The following NEMF variants were observed in gnomAD, a reference collection of about 807,000 sequenced individuals.
The protein encoded by NEMF is nuclear export mediator factor, also known as ribosome quality control complex subunit NEMF.
A neutral mutation model predicts 162.2 loss-of-function variants in NEMF; 89 were observed. That is an observed-to-expected ratio of 0.55 (90% CI 0.46 to 0.65). The LOEUF (loss-of-function observed/expected upper bound fraction) is 0.65. NEMF is among the 30% of genes least tolerant of loss of function. The pLI is 0.00. For missense variants in NEMF, 1,133 were observed against 1,261.9 expected (o/e 0.90, Z 1.55); for synonymous variants, 421 against 404.5 (o/e 1.04, Z -0.49).
intron 29 of NEMF, 62 bp from the exon 30 acceptor site, chr14:49,785,382 A>C (rs1890121499): frequency 9.1e-7 from 1 of 1,097,448 alleles, no homozygotes; most frequent in African/African-American, 1.5e-5. Context: ...AAAATGCTAA[A>C]ACACTTGAAT....
At chr14:49,841,196 CAA>C (rs34039009) in intron 4 of NEMF, among the ~76,000 whole-genome samples, 268 of 56,794 alleles carry the variant, frequency 4.7e-3, no homozygotes, top group Middle Eastern at 0.038. Flanking sequence ...AACTCTGTCT[CAA>C]AAAAAAAAAA....
At position 49,782,682 on chromosome 14, in the gene NEMF, T is replaced by A. The variant is rs1889962833; in HGVS notation, c.*1954A>T. 10 of 1,359,984 alleles carry A rather than the reference T, an allele frequency of 7.4e-6. No individual in the cohort carries two copies. The Admixed American group carries it at 2.3e-4, about 31-fold the overall frequency. 84.2% of individuals were successfully genotyped at this position (1,359,984 alleles called of 1,614,324 possible). A position where few individuals can be genotyped will look rare whatever the true frequency, so the allele number is the denominator to read the frequency against. On this transcript the variant is annotated 3_prime_UTR_variant, in exon 33 of 33. Transcript: ENST00000298310. ...CTCGAAAAACTAGGTTTATGGATTA[T>A]TTAAGGGCAATAAAACTTCATTGCT...
At chr14:49,788,540 T>A (rs999685124) in intron 28 of NEMF, among the ~76,000 whole-genome samples, 1 of 143,578 alleles carries the variant, frequency 7.0e-6, no homozygotes, top group Non-Finnish European at 1.5e-5. Context: ...TTCAAGACAA[T>A]CCCAATTTTC....
At chr14:49,852,667 A>C (rs755913879) in intron 1 of NEMF, 28 bp downstream of exon 1, 1 of 1,613,434 alleles carries the variant, frequency 6.2e-7, no homozygotes, top group South Asian at 1.1e-5. Flanking sequence ...CACTCCCCAC[A>C]CGAGCCTCGT....
chr14:49,810,140 G>A (rs191943919), intron 18 of NEMF, among the ~76,000 whole-genome samples: 158 of 152,038 alleles, frequency 1.0e-3, no homozygotes, highest in Middle Eastern at 3.4e-3. Context: ...AGGCTGAGGC[G>A]GGCGGATCAC....
Position 49,846,227 on chromosome 14 carries a change from T to C in NEMF, c.270A>G (p.Ala90=). ...CAATTCTATCCACACCAAGCTGTTTTGCACTGACTAATCTCCGACTCTTCA... is the reference window on the plus strand; with the variant it reads ...CAATTCTATCCACACCAAGCTGTTTCGCACTGACTAATCTCCGACTCTTCA... ...KHLKSRRLVS[A]KQLGVDRIVD... is the part of the protein sequence containing the mutation. The change falls in exon 4 of 33, where the codon GCA becomes GCG. Residue 90 remains alanine, a synonymous_variant. Transcript: ENST00000298310. 6.2e-7 allele frequency: 1 copy of C among 1,613,864 alleles called. No homozygotes were observed. Among genetic ancestry groups the C allele is most frequent in the Non-Finnish European group, 8.5e-7 (1 of 1,179,908 alleles).
At chr14:49,814,086 T>G in intron 17 of NEMF, 36 bp from the exon 18 acceptor site, 1 of 1,191,718 alleles carries the variant, frequency 8.4e-7, no homozygotes, top group East Asian at 2.3e-5. Context: ...ACACTTTAAG[T>G]CCTAATTATT....
chr14:49,782,518 G>A lies in NEMF; in HGVS notation c.*2118C>T, dbSNP rs754288697. The A allele has an allele frequency of 3.1e-6, 5 of 1,601,934 alleles. No homozygotes were observed. The highest frequency in any genetic ancestry group is 1.1e-5 in the South Asian group (1 of 89,960). On this transcript the variant is annotated 3_prime_UTR_variant, in exon 33 of 33. Coordinates refer to ENST00000298310, the MANE Select transcript of NEMF (RefSeq NM_004713.6). The stretch of plus-strand genomic sequence containing the variant: ...ACTTGCAAAGCATTTGCTTTTAAAT[G>A]TGTTCTTCCTATTTATTTTTCAGGC...
At position 49,852,686 on chromosome 14, in the gene NEMF, G is replaced by C; in HGVS notation, c.59+9C>G. 1 of 1,614,192 alleles carries C rather than the reference G, an allele frequency of 6.2e-7. No homozygotes were observed. Among genetic ancestry groups the C allele is most frequent in the South Asian group, 1.1e-5 (1 of 91,086 alleles). ...CCCCACACGAGCCTCGTCACTTAGG[G>C]TACTGTACCTAGCATTCAGCTCCGC... is the stretch of plus-strand genomic sequence containing the variant. On this transcript the variant is annotated intron_variant, in intron 1 of 32. Transcript: ENST00000298310.
rs774042770 is a variant in NEMF at position 49,852,763 on chromosome 14, C to T, written c.-10G>A. 1.9e-6 allele frequency: 3 copies of T among 1,614,146 alleles called. No individual in the cohort carries two copies. Among genetic ancestry groups the T allele is most frequent in the South Asian group, 2.2e-5 (2 of 91,082 alleles). ...TAAAGCGGCTCTTCATGGCGAGGCC[C>T]GAGGGTCACTACCGCAAGTTCCTCT... On this transcript the variant is annotated 5_prime_UTR_variant, in exon 1 of 33. Transcript: ENST00000298310.
Position 49,799,458 on chromosome 14 carries a change from A to G in NEMF, c.2465+17T>C. On this transcript the variant is annotated intron_variant, in intron 25 of 32. Transcript: ENST00000298310. Reference sequence around the variant, plus strand: ...AGAAAAACATGCTTTTTAGTTAATTAACACAGATGTGTTTACCTTCTTTCC... The same window carrying G: ...AGAAAAACATGCTTTTTAGTTAATTGACACAGATGTGTTTACCTTCTTTCC... 6.3e-7 allele frequency: 1 copy of G among 1,584,216 alleles called. No individual in the cohort carries two copies. Among genetic ancestry groups the G allele is most frequent in the Non-Finnish European group, 8.5e-7 (1 of 1,170,242 alleles).
chr14:49,784,712 T>C lies in NEMF; in HGVS notation c.3155A>G (p.Asp1052Gly). Residue 1052 changes from aspartate to glycine, a missense_variant and splice_region_variant, in exon 33 of 33, where the codon GAC becomes GGC. Asp to Gly is a moderately conservative substitution (Grantham distance 94). Coordinates refer to ENST00000298310, the MANE Select transcript of NEMF (RefSeq NM_004713.6). ...REKDLFRSVK[D>G]TDLSRNIPGK... ...AGGAATGTTTCTTGATAAATCTGTG[T>C]CCTAAAAAAAGAAAATTGCTGAATA... 1 of 1,612,016 alleles carries C rather than the reference T, an allele frequency of 6.2e-7. No homozygotes were observed. Among genetic ancestry groups the C allele is most frequent in the South Asian group, 1.1e-5 (1 of 90,686 alleles).
chr14:49,789,556 C>A lies in NEMF; in HGVS notation c.2637G>T (p.Met879Ile). 1 of 1,609,620 alleles carries A rather than the reference C, an allele frequency of 6.2e-7. No individual in the cohort carries two copies. The highest frequency in any genetic ancestry group is 8.5e-7 in the Non-Finnish European group (1 of 1,179,002). The stretch of plus-strand genomic sequence containing the variant: ...CATCCTGGTCTTTGTATTTTTCTTT[C>A]ATTTTTTTCATTTTACTCTACAAAA... ...KRGQKSKMKK[M>I]KEKYKDQDEE... Residue 879 changes from methionine (M) to isoleucine (I), a missense_variant, in exon 27 of 33, where the codon ATG (methionine) becomes ATT (isoleucine). Met to Ile is a conservative substitution (Grantham distance 10). Transcript: ENST00000298310.
chr14:49,792,679 C>T (rs78948445), intron 26 of NEMF, among the ~76,000 whole-genome samples: 2 of 152,244 alleles, frequency 1.3e-5, no homozygotes, highest in Non-Finnish European at 2.9e-5. Context: ...TACTGACTAA[C>T]AGATAAAATA....
chr14:49,843,323 G>A (rs1893309459), intron 4 of NEMF, among the ~76,000 whole-genome samples: 1 of 151,962 alleles, frequency 6.6e-6, no homozygotes, highest in African/African-American at 2.4e-5. Context: ...GTGAGAGTCT[G>A]TCTCTACAAA....
At chr14:49,794,619 TAAAAA>T (rs397852715) in intron 26 of NEMF, among the ~76,000 whole-genome samples, 3 of 90,364 alleles carry the variant, frequency 3.3e-5, no homozygotes, top group African/African-American at 1.2e-4. Context: ...ACCCTGTCTC[TAAAAA>T]AAAAAAAAAA....
intron 16 of NEMF, among the ~76,000 whole-genome samples, chr14:49,820,899 C>G (rs1891977606): frequency 6.6e-6 from 1 of 152,208 alleles, no homozygotes; most frequent in African/African-American, 2.4e-5. Flanking sequence ...GGATTGCAGA[C>G]GGAGTCTCGT....
chr14:49,811,658 T>C (rs1022340993), intron 18 of NEMF, among the ~76,000 whole-genome samples: 2 of 152,206 alleles, frequency 1.3e-5, no homozygotes, highest in African/African-American at 4.8e-5. Context: ...CACAAACAAA[T>C]GTTGAATTTT....
chr14:49,815,017 T>C (rs576081457), intron 16 of NEMF, among the ~76,000 whole-genome samples, 160 bp from the exon 17 acceptor site: 10 of 152,292 alleles, frequency 6.6e-5, no homozygotes, highest in Admixed American at 2.6e-4. Flanking sequence ...ATAATACAAA[T>C]TGCCCTAGGA....
Sources: gnomAD v4.1 joint callset for allele counts (sites outside exome capture counted in the v4.1 genomes callset) on GRCh38, gnomAD v4.1.1 for gene constraint, MANE v1.5 for transcripts, NCBI Gene and HGNC (gene_info 2026-07-23, HGNC 2026-07-21) for gene names.